Variants in RAB11FIP3 observed in about 807,000 individuals in gnomAD.
The protein encoded by RAB11FIP3 is rab11 family-interacting protein 3.
Under a neutral mutation model 77.8 loss-of-function variants are expected in RAB11FIP3, and 17 were observed. That is an observed-to-expected ratio of 0.22 (90% CI 0.15 to 0.33). RAB11FIP3 has a LOEUF of 0.33. RAB11FIP3 is among the 10% of genes least tolerant of loss of function. The probability of loss-of-function intolerance (pLI) is 1.00; values close to 1 mark genes in which losing one functional copy is unlikely to be tolerated. For missense variants in RAB11FIP3, 1,005 were observed against 1,011.2 expected, an observed-to-expected ratio of 0.99 and a Z score of 0.08; for synonymous variants, 437 against 448.2, an observed-to-expected ratio of 0.98 and a Z score of 0.31.
chr16:484,765 C>T (rs12929069), intron 4 of RAB11FIP3, among the ~76,000 whole-genome samples: 61,539 of 152,102 alleles, frequency 0.4, 13,979 homozygotes, highest in Middle Eastern at 0.54. Context: ...GCGGGTAGTT[C>T]ACTGTCGTTG....
chr16:429,509 T>G (rs2055002000), intron 1 of RAB11FIP3, among the ~76,000 whole-genome samples: 2 of 151,920 alleles, frequency 1.3e-5, no homozygotes, highest in South Asian at 4.1e-4. Context: ...TTTTTTTTTT[T>G]TTTTGAGATG....
At chr16:460,916 C>T (rs1298603610) in intron 1 of RAB11FIP3, among the ~76,000 whole-genome samples, 9 of 152,200 alleles carry the variant, frequency 5.9e-5, no homozygotes, top group African/African-American at 2.2e-4. Context: ...GGAGGCCGTG[C>T]TGCCTCCTGC....
rs776960360 is a variant in RAB11FIP3 at position 461,929 on chromosome 16, A to G, written c.808+432A>G. On this transcript the variant is annotated intron_variant, in intron 2 of 13. Coordinates refer to ENST00000262305, the MANE Select transcript of RAB11FIP3 (RefSeq NM_014700.4). This position sits in a 1 kb window ranked among gnomAD's most constrained non-coding sequence, Gnocchi z 4.5. Reference sequence around the variant, plus strand: ...TCTTGAATGGGATGTGTTTGTAATCAGCATGCTTCCGCGCACACCGCCCTG... The same window carrying G: ...TCTTGAATGGGATGTGTTTGTAATCGGCATGCTTCCGCGCACACCGCCCTG... 1.3e-5 allele frequency among the ~76,000 whole-genome samples: 2 copies of G among 152,180 alleles called. No homozygotes were observed. The highest frequency in any genetic ancestry group is 2.9e-5 in the Non-Finnish European group (2 of 68,042).
intron 3 of RAB11FIP3, among the ~76,000 whole-genome samples, chr16:473,558 T>G (rs1359787333): frequency 6.6e-6 from 1 of 152,118 alleles, no homozygotes; most frequent in African/African-American, 2.4e-5. Flanking sequence ...TCTCAGCCTT[T>G]CCAGTGGCTG....
At chr16:441,324 C>G (rs1229725301) in intron 1 of RAB11FIP3, among the ~76,000 whole-genome samples, 1 of 152,202 alleles carries the variant, frequency 6.6e-6, no homozygotes, top group Non-Finnish European at 1.5e-5. Context: ...TTCCTGATCC[C>G]TAAGTCGTGC....
Position 430,460 on chromosome 16 carries a change from G to A in RAB11FIP3, c.714+3740G>A, listed in dbSNP as rs922068956. On this transcript the variant is annotated intron_variant, in intron 1 of 13. Transcript: ENST00000262305. Reference sequence around the variant, plus strand: ...TCAGTACTTGCAGAAATAGGCTGCCGAAGGAAGTGTCGATGCTCAGATCTC... The same window carrying A: ...TCAGTACTTGCAGAAATAGGCTGCCAAAGGAAGTGTCGATGCTCAGATCTC... Among the ~76,000 whole-genome samples the A allele has an allele frequency of 5.3e-5, 8 of 152,236 alleles. 1 individual carries two copies. Among genetic ancestry groups the A allele is most frequent in the Admixed American group, 3.9e-4 (6 of 15,270 alleles).
In RAB11FIP3 at chr16:481,028, C is replaced by T. The variant is rs1378038840; in HGVS notation, c.904-1497C>T. On this transcript the variant is annotated intron_variant, in intron 3 of 13. Transcript: ENST00000262305. ...TTTTCCATATTGGTCAGGCTGGTCT[C>T]GAACTCCCAACCTCAGGTGATCCTT... Among the ~76,000 whole-genome samples the T allele has an allele frequency of 1.4e-5, 2 of 140,260 alleles. 1 individual carries two copies. The highest frequency in any genetic ancestry group is 3.2e-5 in the Non-Finnish European group (2 of 62,658). The allele number at this position is 140,260 out of a possible 152,430, so 92.0% of individuals were successfully genotyped here. A position where few individuals can be genotyped will look rare whatever the true frequency, so the allele number is the denominator to read the frequency against.
intron 1 of RAB11FIP3, among the ~76,000 whole-genome samples, chr16:456,056 G>A (rs545947408): frequency 7.2e-5 from 11 of 152,274 alleles, no homozygotes; most frequent in Middle Eastern, 6.8e-3. Flanking sequence ...GGCCGGGCAC[G>A]GTGGCTCGCT....
At chr16:500,694 A>C (rs1189501121) in intron 6 of RAB11FIP3, among the ~76,000 whole-genome samples, 2 of 142,262 alleles carry the variant, frequency 1.4e-5, no homozygotes, top group Non-Finnish European at 3.2e-5. Flanking sequence ...TCGCAAAAAA[A>C]AAAAAAAAAA....
At chr16:494,737 C>G (rs555482195) in intron 5 of RAB11FIP3, among the ~76,000 whole-genome samples, 1 of 152,218 alleles carries the variant, frequency 6.6e-6, no homozygotes, top group African/African-American at 2.4e-5. Flanking sequence ...TGAGTGTGGG[C>G]TGAAATCGCA....
chr16:426,158 A>G lies in RAB11FIP3; in HGVS notation c.152A>G (p.Gln51Arg). 9.9e-7 allele frequency: 1 copy of G among 1,013,818 alleles called. No individual in the cohort carries two copies. Among genetic ancestry groups the G allele is most frequent in the Non-Finnish European group, 1.2e-6 (1 of 850,618 alleles). The allele number at this position is 1,013,818 out of a possible 1,614,324, so 62.8% of individuals were successfully genotyped here. ...GCGCCCGTCGGCGGCCCCGACCCGC[A>G]GTCCCCGGGCCTGGATGAGCCTGCG... The part of the protein sequence containing the change: ...LGAPVGGPDP[Q>R]SPGLDEPAPG... Residue 51 changes from glutamine to arginine, a missense_variant, in exon 1 of 14, where the codon CAG (glutamine) becomes CGG (arginine). By Grantham distance (43) the Gln-to-Arg change is conservative (BLOSUM62 1). Coordinates refer to ENST00000262305, the MANE Select transcript of RAB11FIP3 (RefSeq NM_014700.4). The surrounding 1 kb of genome is among the most constrained non-coding windows in gnomAD (Gnocchi z 5.0).
In RAB11FIP3 at chr16:426,025, G is replaced by C; in HGVS notation, c.19G>C (p.Ala7Pro). The change falls in exon 1 of 14, where the codon GCC becomes CCC. Residue 7 changes from alanine to proline, a missense_variant. By Grantham distance (27) the Ala-to-Pro change is conservative. This residue lies in a region of RAB11FIP3 where 466 missense variants were observed against 408.3 expected (regional missense o/e 1.14). Coordinates refer to ENST00000262305, the MANE Select transcript of RAB11FIP3 (RefSeq NM_014700.4). This position sits in a 1 kb window ranked among gnomAD's most constrained non-coding sequence, Gnocchi z 5.0. MASAPPASPPGSEPPGP... is the reference protein window; with the variant it reads MASAPPPSPPGSEPPGP... ...CGGGAGCATGGCGTCGGCCCCGCCG[G>C]CCTCGCCCCCGGGCTCGGAGCCGCC... The C allele has an allele frequency of 2.0e-6, 2 of 992,782 alleles. No homozygotes were observed. The highest frequency in any genetic ancestry group is 2.4e-6 in the Non-Finnish European group (2 of 836,370). 61.5% of individuals were successfully genotyped at this position (992,782 alleles called of 1,614,324 possible). A position where few individuals can be genotyped will look rare whatever the true frequency, so the allele number is the denominator to read the frequency against.
chr16:500,685 C>A (rs558021497), intron 6 of RAB11FIP3, among the ~76,000 whole-genome samples: 1 of 50,348 alleles, frequency 2.0e-5, no homozygotes, highest in Non-Finnish European at 3.0e-5. Flanking sequence ...AAGACTCTGT[C>A]GCAAAAAAAA....
intron 9 of RAB11FIP3, among the ~76,000 whole-genome samples, chr16:518,617 C>A (rs1053968748): frequency 6.7e-6 from 1 of 150,008 alleles, no homozygotes; most frequent in Non-Finnish European, 1.5e-5. Context: ...CCCAGCTACT[C>A]AGGAGGCTGA....
At chr16:488,503 G>C (rs2056207005) in intron 4 of RAB11FIP3, among the ~76,000 whole-genome samples, 1 of 151,956 alleles carries the variant, frequency 6.6e-6, no homozygotes, top group African/African-American at 2.4e-5. Context: ...TGGCCTCCCA[G>C]GCTCAAGCGA....
chr16:460,749 C>T (rs1567369666), intron 1 of RAB11FIP3, among the ~76,000 whole-genome samples: 5 of 152,126 alleles, frequency 3.3e-5, no homozygotes. Flanking sequence ...CGGAACAATA[C>T]CTAAAACTTC....
chr16:463,235 G>A (rs962063503), intron 2 of RAB11FIP3, among the ~76,000 whole-genome samples: 3 of 152,004 alleles, frequency 2.0e-5, no homozygotes, highest in Admixed American at 6.6e-5. Context: ...CTTCATGCAC[G>A]TGCAGGATAA....
In RAB11FIP3 at chr16:425,863, C is replaced by A; in HGVS notation, c.-144C>A. On this transcript the variant is annotated 5_prime_UTR_variant, in exon 1 of 14. Coordinates refer to ENST00000262305, the MANE Select transcript of RAB11FIP3 (RefSeq NM_014700.4). ...GGTGCGAAGATGGGCGAGGACAGAG[C>A]AGGGCCCGAGCGCCAGCCCCAGCAG... The A allele has an allele frequency of 3.9e-6, 1 of 256,456 alleles. No homozygotes were observed. The highest frequency in any genetic ancestry group is 7.2e-6 in the Non-Finnish European group (1 of 138,082). The allele number at this position is 256,456 out of a possible 1,614,324, so 15.9% of individuals were successfully genotyped here.
chr16:519,100 C>T lies in RAB11FIP3; in HGVS notation c.1722+76C>T, dbSNP rs1196512060. Reference sequence around the variant, plus strand: ...TGCCTGTGGGGCAGCTGAGGTAGCCCTGAGCTCTGTGCTGAGCGGGATACT... The same window carrying T: ...TGCCTGTGGGGCAGCTGAGGTAGCCTTGAGCTCTGTGCTGAGCGGGATACT... On this transcript the variant is annotated intron_variant, in intron 10 of 13. Coordinates refer to ENST00000262305, the MANE Select transcript of RAB11FIP3 (RefSeq NM_014700.4). 6 of 1,471,728 alleles carry T rather than the reference C, an allele frequency of 4.1e-6. No homozygotes were observed. In the Admixed American group the frequency reaches 1.0e-4, roughly 25 times the overall value. The allele number at this position is 1,471,728 out of a possible 1,614,324, so 91.2% of individuals were successfully genotyped here.
Sources: gnomAD v4.1 joint callset for allele counts (sites outside exome capture counted in the v4.1 genomes callset) on GRCh38, gnomAD v4.1.1 for gene constraint, gnomAD v4.1.1 regional missense constraint, Gnocchi (gnomAD v3.1) non-coding constraint, MANE v1.5 for transcripts, NCBI Gene and HGNC (gene_info 2026-07-23, HGNC 2026-07-21) for gene names.